MB21D2: variants seen among roughly 807,000 people sequenced by gnomAD.
MB21D2 encodes nucleotidyltransferase MB21D2.
A neutral mutation model predicts 33.3 loss-of-function variants in MB21D2; 9 were observed. The ratio of observed to expected loss-of-function variants is 0.27; its 90% CI spans 0.16 to 0.47. The LOEUF (loss-of-function observed/expected upper bound fraction) is 0.47, where lower values mean the gene tolerates loss of function less well. Among genes scored for constraint, MB21D2 ranks in the 20% least tolerant of loss-of-function variants. MB21D2 has a pLI of 0.99. For missense variants in MB21D2, 540 were observed against 624.6 expected, an observed-to-expected ratio of 0.86 and a Z score of 1.44; for synonymous variants, 241 against 236.3, an observed-to-expected ratio of 1.02 and a Z score of -0.18.
In MB21D2 at chr3:192,831,219, A is replaced by T. The variant is rs144685056; in HGVS notation, c.212-31569T>A. ...AGCACTTCAAAGGAACCTTGTGGAG[A>T]CGCCCACATGGGGATGAGCCGAGGC... is the stretch of plus-strand genomic sequence containing the variant. On this transcript the variant is annotated intron_variant, in intron 1 of 1. Coordinates refer to ENST00000392452, the MANE Select transcript of MB21D2 (RefSeq NM_178496.4). 2.6e-3 allele frequency among the ~76,000 whole-genome samples: 397 copies of T among 152,152 alleles called. 4 individuals are homozygous for T. Among genetic ancestry groups the T allele is most frequent in the Non-Finnish European group, 4.1e-3 (277 of 68,022 alleles).
intron 1 of MB21D2, among the ~76,000 whole-genome samples, chr3:192,899,676 G>A (rs1168869867): frequency 6.6e-6 from 1 of 152,200 alleles, no homozygotes; most frequent in Non-Finnish European, 1.5e-5. Context: ...GAGACAGATG[G>A]TAGTGGCCTG....
At chr3:192,846,163 G>C (rs1232086807) in intron 1 of MB21D2, among the ~76,000 whole-genome samples, 1 of 152,050 alleles carries the variant, frequency 6.6e-6, no homozygotes, top group Non-Finnish European at 1.5e-5. Flanking sequence ...CTTCTGTCTG[G>C]TTTAGACTCT....
chr3:192,820,125 G>T (rs1712011743), intron 1 of MB21D2, among the ~76,000 whole-genome samples: 1 of 152,142 alleles, frequency 6.6e-6, no homozygotes, highest in South Asian at 2.1e-4. Flanking sequence ...AGAGAAAGGG[G>T]AGGGAGATGC....
chr3:192,802,869 T>C (rs1295496743), intron 1 of MB21D2, among the ~76,000 whole-genome samples: 1 of 152,206 alleles, frequency 6.6e-6, no homozygotes, highest in African/African-American at 2.4e-5. Context: ...TGTGTTGTGG[T>C]TAGTAAATAA....
intron 1 of MB21D2, among the ~76,000 whole-genome samples, chr3:192,880,069 G>A (rs928661184): frequency 8.5e-5 from 13 of 152,094 alleles, no homozygotes; most frequent in Non-Finnish European, 1.5e-5. Flanking sequence ...ATAAGGACGG[G>A]CGCAGTGGCT....
chr3:192,856,926 T>G (rs1712930631), intron 1 of MB21D2, among the ~76,000 whole-genome samples: 1 of 152,122 alleles, frequency 6.6e-6, no homozygotes. Flanking sequence ...GCATAGTAAC[T>G]GATTTAAAAA....
Position 192,799,776 on chromosome 3 carries a change from A to G in MB21D2, c.212-126T>C. On this transcript the variant is annotated intron_variant, in intron 1 of 1. Transcript: ENST00000392452. This position sits in a 1 kb window ranked among gnomAD's most constrained non-coding sequence, Gnocchi z 4.1. ...CATTATCAGTACTAAATCAAATCTC[A>G]GGCTGCTGCAGAGACCTGGCCAACA... The G allele has an allele frequency of 9.8e-7, 1 of 1,016,026 alleles. No individual in the cohort carries two copies. The highest frequency in any genetic ancestry group is 1.4e-6 in the Non-Finnish European group (1 of 717,644). 62.9% of individuals were successfully genotyped at this position (1,016,026 alleles called of 1,614,324 possible).
At chr3:192,840,976 C>T (rs1187585485) in intron 1 of MB21D2, among the ~76,000 whole-genome samples, 4 of 152,174 alleles carry the variant, frequency 2.6e-5, no homozygotes, top group African/African-American at 9.7e-5. Flanking sequence ...GTATAGTGGA[C>T]AGAACATGGG....
chr3:192,807,282 C>A (rs1399602891), intron 1 of MB21D2, among the ~76,000 whole-genome samples: 9 of 149,618 alleles, frequency 6.0e-5, no homozygotes, highest in Admixed American at 2.0e-4. Context: ...AAGTTACAGA[C>A]TGACAATTTA....
rs2108606641 is a variant in MB21D2, at chr3:192,797,973, A to T, written c.*413T>A. 6.4e-6 allele frequency: 1 copy of T among 156,842 alleles called. No individual in the cohort carries two copies. The highest frequency in any genetic ancestry group is 1.4e-5 in the Non-Finnish European group (1 of 70,596). 9.7% of individuals were successfully genotyped at this position (156,842 alleles called of 1,614,324 possible). ...TAGTGGTGAAAGCTCATAAGAAAAA[A>T]GACAAAAACAAAATAATAAAAATAA... On this transcript the variant is annotated 3_prime_UTR_variant, in exon 2 of 2. Coordinates refer to ENST00000392452, the MANE Select transcript of MB21D2 (RefSeq NM_178496.4).
chr3:192,853,857 C>T (rs779302410), intron 1 of MB21D2, among the ~76,000 whole-genome samples: 17 of 152,096 alleles, frequency 1.1e-4, no homozygotes, highest in Non-Finnish European at 1.9e-4. Flanking sequence ...ATCTTTCAAA[C>T]GTTTTCATTG....
chr3:192,827,880 T>G (rs1712211114), intron 1 of MB21D2, among the ~76,000 whole-genome samples: 1 of 152,130 alleles, frequency 6.6e-6, no homozygotes, highest in Non-Finnish European at 1.5e-5. Flanking sequence ...ATCTTGAATT[T>G]TAGCTCCCAT....
chr3:192,808,761 A>G (rs1577167902), intron 1 of MB21D2, among the ~76,000 whole-genome samples: 2 of 152,216 alleles, frequency 1.3e-5, no homozygotes, highest in Non-Finnish European at 2.9e-5. Context: ...TAAGAAGACC[A>G]TAATCTGAGC....
In MB21D2 at chr3:192,891,122, C is replaced by A. The variant is rs145865341; in HGVS notation, c.211+26508G>T. ...AGTTCTTATAGAAGTTTTCTGGTCA[C>A]ATTAATTGGGTGAGTCATTTTATCT... On this transcript the variant is annotated intron_variant, in intron 1 of 1. Transcript: ENST00000392452. Among the ~76,000 whole-genome samples, 304 of 152,252 alleles carry A rather than the reference C, an allele frequency of 2.0e-3. 7 individuals are homozygous for A. The highest frequency in any genetic ancestry group is 0.015 in the South Asian group (74 of 4,830).
intron 1 of MB21D2, among the ~76,000 whole-genome samples, chr3:192,881,785 T>C (rs1713601710): frequency 6.6e-6 from 1 of 152,100 alleles, no homozygotes; most frequent in African/African-American, 2.4e-5. Context: ...TCCTGTGAAA[T>C]TGTATCACTA....
intron 1 of MB21D2, among the ~76,000 whole-genome samples, chr3:192,854,717 G>A (rs138690194): frequency 6.6e-6 from 1 of 152,262 alleles, no homozygotes; most frequent in East Asian, 1.9e-4. Flanking sequence ...TAATGCAGCT[G>A]GTGACTTTAA....
intron 1 of MB21D2, among the ~76,000 whole-genome samples, chr3:192,858,066 G>A (rs537981798): frequency 2.0e-5 from 3 of 152,104 alleles, no homozygotes; most frequent in South Asian, 2.1e-4. Context: ...TGGAGGTTGC[G>A]GTGAGCCAAG....
At position 192,797,080 on chromosome 3, in the gene MB21D2, T is replaced by C. The variant is rs1720538531; in HGVS notation, c.*1306A>G. 1 of 152,574 alleles carries C rather than the reference T, an allele frequency of 6.6e-6. No homozygotes were observed. 9.5% of individuals were successfully genotyped at this position (152,574 alleles called of 1,614,324 possible). On this transcript the variant is annotated 3_prime_UTR_variant, in exon 2 of 2. Transcript: ENST00000392452. ...GCCTCCTGACCTCTTAAACACCAGC[T>C]TGCCATGAGTCCACACCAAAACAGG...
chr3:192,832,098 T>A (rs1712327820), intron 1 of MB21D2, among the ~76,000 whole-genome samples: 1 of 152,202 alleles, frequency 6.6e-6, no homozygotes, highest in Non-Finnish European at 1.5e-5. Flanking sequence ...AATCACTTGG[T>A]GCCTTTGATA....
Sources: gnomAD v4.1 joint callset for allele counts (sites outside exome capture counted in the v4.1 genomes callset) on GRCh38, gnomAD v4.1.1 for gene constraint, Gnocchi (gnomAD v3.1) non-coding constraint, MANE v1.5 for transcripts, NCBI Gene and HGNC (gene_info 2026-07-23, HGNC 2026-07-21) for gene names.